The following FRMD4A variants were observed in gnomAD, a reference collection of about 807,000 sequenced individuals.
FRMD4A encodes FERM domain containing 4A.
FRMD4A carries 29 observed loss-of-function variants against 129.1 expected under a neutral mutation model. The ratio of observed to expected loss-of-function variants is 0.22; its 90% confidence interval spans 0.17 to 0.31. FRMD4A has a LOEUF of 0.31. Ranked by LOEUF, FRMD4A falls within the 10% of genes least tolerant of loss-of-function variation. The pLI is 1.00. For missense variants in FRMD4A, 1,272 were observed against 1,375.8 expected (o/e 0.92, Z 1.19); for synonymous variants, 634 against 571.6 (o/e 1.11, Z -1.56).
intron 12 of FRMD4A, among the ~76,000 whole-genome samples, chr10:13,713,498 G>A (rs1323996178): frequency 6.6e-6 from 1 of 152,048 alleles, no homozygotes; most frequent in South Asian, 2.1e-4. Context: ...TTTCATTTCT[G>A]CCCTTTTTAC....
intron 2 of FRMD4A, among the ~76,000 whole-genome samples, chr10:14,024,862 C>T (rs1832916800): frequency 6.6e-6 from 1 of 152,230 alleles, no homozygotes; most frequent in Non-Finnish European, 1.5e-5. Flanking sequence ...ATGTTTTTGA[C>T]TCTAGCCCAT....
chr10:14,298,031 A>C (rs557186709), intron 2 of FRMD4A, among the ~76,000 whole-genome samples: 105 of 152,342 alleles, frequency 6.9e-4, no homozygotes, highest in South Asian at 4.6e-3. Context: ...AATCCAACCC[A>C]ATGCCTGTTT....
At chr10:13,839,756 G>A (rs941849841) in intron 3 of FRMD4A, among the ~76,000 whole-genome samples, 3 of 152,216 alleles carry the variant, frequency 2.0e-5, no homozygotes, top group Non-Finnish European at 2.9e-5. Context: ...GCCATGTCCC[G>A]CAGTGCTTGA....
At chr10:14,098,769 A>G (rs935091997) in intron 2 of FRMD4A, among the ~76,000 whole-genome samples, 2 of 152,176 alleles carry the variant, frequency 1.3e-5, no homozygotes, top group Admixed American at 1.3e-4. Flanking sequence ...CCTAGCACCC[A>G]TGTGGACAAC....
rs763605610 is a variant in FRMD4A, at chr10:14,330,097, T to C, written c.6A>G (p.Ala2=). Residue 2 remains alanine, a synonymous_variant, in exon 2 of 25, where the codon GCA becomes GCG. Transcript: ENST00000357447. The stretch of plus-strand genomic sequence containing the variant: ...GAGCTGAGTCGGGCACCAGCTGCAC[T>C]GCCATGGTCTCCGATTCCCATGCAC... M[A]VQLVPDSALG... 8.4e-6 allele frequency: 13 copies of C among 1,552,854 alleles called. No individual in the cohort carries two copies. The highest frequency in any genetic ancestry group is 1.1e-5 in the Non-Finnish European group (13 of 1,147,656).
intron 2 of FRMD4A, among the ~76,000 whole-genome samples, chr10:14,292,841 A>C (rs1435230188): frequency 6.6e-6 from 1 of 152,180 alleles, no homozygotes; most frequent in East Asian, 1.9e-4. Flanking sequence ...ATAGGAGTTT[A>C]TGATCTTCAG....
chr10:13,947,975 T>A (rs1400886266), intron 2 of FRMD4A, among the ~76,000 whole-genome samples: 1 of 151,754 alleles, frequency 6.6e-6, no homozygotes, highest in African/African-American at 2.4e-5. Flanking sequence ...GGTGGGAAGA[T>A]CGCTTGAGGC....
intron 21 of FRMD4A, 64 bp from the exon 22 acceptor site, chr10:13,657,586 G>A (rs995020348): frequency 8.1e-5 from 118 of 1,462,652 alleles, no homozygotes; most frequent in Non-Finnish European, 9.8e-5. Context: ...GGTGCTCCGG[G>A]GAGGAGGGGG....
intron 2 of FRMD4A, among the ~76,000 whole-genome samples, chr10:13,963,209 G>C (rs1285421432): frequency 2.0e-5 from 3 of 149,130 alleles, no homozygotes; most frequent in Non-Finnish European, 4.4e-5. Flanking sequence ...ACAAACAAAT[G>C]TGCAGACTTG....
Position 14,072,102 on chromosome 10 carries a change from C to T in FRMD4A, c.46-213190G>A, listed in dbSNP as rs545496835. ...AAAGTAAAAATTCTCTTGGGAAGGC[C>T]CAAGTCAATTGACCATTCATTCTTT... is the stretch of plus-strand genomic sequence containing the variant. On this transcript the variant is annotated intron_variant, in intron 2 of 24. Coordinates refer to ENST00000357447, the MANE Select transcript of FRMD4A (RefSeq NM_018027.5). Among the ~76,000 whole-genome samples the T allele has an allele frequency of 8.9e-4, 136 of 152,154 alleles. 2 individuals are homozygous for T. The highest frequency in any genetic ancestry group is 3.0e-3 in the Admixed American group (46 of 15,286).
chr10:14,127,324 C>T (rs1589032856), intron 2 of FRMD4A, among the ~76,000 whole-genome samples: 1 of 152,316 alleles, frequency 6.6e-6, no homozygotes, highest in East Asian at 1.9e-4. Context: ...CACCTGACCT[C>T]TGCTCTTCTT....
In FRMD4A at chr10:14,048,806, CAAATA is replaced by C. The variant is rs1210092211; in HGVS notation, c.46-189899_46-189895del. Among the ~76,000 whole-genome samples, 60 of 142,766 alleles carry C rather than the reference CAAATA, an allele frequency of 4.2e-4. 2 individuals carry two copies. Among genetic ancestry groups the C allele is most frequent in the African/African-American group, 1.5e-3 (56 of 37,362 alleles). The allele number at this position is 142,766 out of a possible 152,430, so 93.7% of individuals were successfully genotyped here. A position where few individuals can be genotyped will look rare whatever the true frequency, so the allele number is the denominator to read the frequency against. ...GGGTGACAGAGCGAGACTCTTGTCT[CAAATA>C]AAATAGAATAGATTAGAATAGAATA... On this transcript the variant is annotated intron_variant, in intron 2 of 24. Transcript: ENST00000357447.
intron 12 of FRMD4A, chr10:13,728,056 T>C (rs972906822): frequency 6.6e-6 from 1 of 152,154 alleles, no homozygotes; most frequent in Non-Finnish European, 1.5e-5. Flanking sequence ...ACTGAACAAG[T>C]GAATGAACTT....
At chr10:13,863,961 G>T (rs1362061815) in intron 2 of FRMD4A, among the ~76,000 whole-genome samples, 1 of 151,872 alleles carries the variant, frequency 6.6e-6, no homozygotes. Context: ...AGAATTTAAC[G>T]TTTGGCAAAG....
At chr10:14,167,538 C>CAAAAAAAA (rs59290414) in intron 2 of FRMD4A, among the ~76,000 whole-genome samples, 2 of 57,572 alleles carry the variant, frequency 3.5e-5, no homozygotes, top group African/African-American at 7.5e-5. Flanking sequence ...CTCCGTCTCT[C>CAAAAAAAA]AAAAAAAAAA....
At chr10:13,860,068 C>G (rs1040830257) in intron 2 of FRMD4A, among the ~76,000 whole-genome samples, 17 of 152,004 alleles carry the variant, frequency 1.1e-4, no homozygotes, top group African/African-American at 3.9e-4. Flanking sequence ...TGGAGCCTGG[C>G]ATCACCCTCA....
At chr10:14,283,214 G>C (rs187850841) in intron 2 of FRMD4A, among the ~76,000 whole-genome samples, 1 of 152,104 alleles carries the variant, frequency 6.6e-6, no homozygotes, top group Non-Finnish European at 1.5e-5. Flanking sequence ...CAGCTAAATC[G>C]CCCAACCTCA....
chr10:14,172,191 C>T (rs760067596), intron 2 of FRMD4A, among the ~76,000 whole-genome samples: 8 of 152,134 alleles, frequency 5.3e-5, no homozygotes, highest in Non-Finnish European at 1.5e-5. Flanking sequence ...TTCACAGAAG[C>T]AATTTAAACA....
rs908665747 is a variant in FRMD4A at position 13,704,193 on chromosome 10, G to T, written c.837-2715C>A. Among the ~76,000 whole-genome samples, 8 of 152,304 alleles carry T rather than the reference G, an allele frequency of 5.3e-5. No individual in the cohort carries two copies. In the South Asian group the frequency reaches 1.5e-3, roughly 28 times the overall value. On this transcript the variant is annotated intron_variant, in intron 13 of 24. Coordinates refer to ENST00000357447, the MANE Select transcript of FRMD4A (RefSeq NM_018027.5). ...ATGTGAAAAAGAGAACTGAGTGCAA[G>T]AAAGATCTTACAGCTCATAGCTCTG...
Sources: allele counts gnomAD v4.1 joint callset (sites outside exome capture counted in the v4.1 genomes callset), GRCh38; gene constraint gnomAD v4.1.1; transcripts MANE v1.5; gene names NCBI Gene and HGNC (gene_info 2026-07-23, HGNC 2026-07-21).